Variants in PIP5K1C observed in about 807,000 individuals in gnomAD.
PIP5K1C encodes the protein phosphatidylinositol-4-phosphate 5-kinase type 1 gamma.
PIP5K1C carries 45 observed loss-of-function variants against 80.1 expected under a neutral mutation model. That is an observed-to-expected ratio of 0.56 (90% CI 0.44 to 0.72). The LOEUF is 0.72. Among genes scored for constraint, PIP5K1C ranks in the 30% least tolerant of loss-of-function variants. The pLI is 0.00. For synonymous variants in PIP5K1C, 498 were observed against 420.1 expected, an observed-to-expected ratio of 1.19 and a Z score of -2.27; for missense variants, 753 against 954.6, an observed-to-expected ratio of 0.79 and a Z score of 2.78.
At position 3,648,071 on chromosome 19, in the gene PIP5K1C, G is replaced by A. The variant is rs1189331676; in HGVS notation, c.1211+554C>T. Among the ~76,000 whole-genome samples the A allele has an allele frequency of 3.3e-5, 5 of 152,122 alleles. No homozygotes were observed. Among genetic ancestry groups the A allele is most frequent in the African/African-American group, 9.7e-5 (4 of 41,418 alleles). On this transcript the variant is annotated intron_variant, in intron 9 of 17. Transcript: ENST00000335312. The surrounding 1 kb of genome is among the most constrained non-coding windows in gnomAD (Gnocchi z 4.3). The stretch of plus-strand genomic sequence containing the variant: ...GGGTCTTGCTCTGTCACCCAGCCTG[G>A]GGTGCAGTACGGCCATCATAGCTCA...
At chr19:3,672,026 C>T (rs1039432089) in intron 1 of PIP5K1C, among the ~76,000 whole-genome samples, 6 of 152,170 alleles carry the variant, frequency 3.9e-5, no homozygotes, top group African/African-American at 2.4e-5. Flanking sequence ...GGGGCTCTGC[C>T]GCTGGGGCCC....
chr19:3,640,208 A>G (rs1418920810), intron 15 of PIP5K1C, among the ~76,000 whole-genome samples: 1 of 152,206 alleles, frequency 6.6e-6, no homozygotes, highest in African/African-American at 2.4e-5. Context: ...CACCAGACAG[A>G]TGACAGAAAA....
intron 1 of PIP5K1C, among the ~76,000 whole-genome samples, chr19:3,691,149 G>C (rs1210528064): frequency 6.6e-6 from 1 of 152,222 alleles, no homozygotes; most frequent in Non-Finnish European, 1.5e-5. Context: ...CTTTTTCTCT[G>C]AGTCACAAGA....
intron 1 of PIP5K1C, among the ~76,000 whole-genome samples, chr19:3,697,018 G>A: frequency 6.6e-6 from 1 of 152,130 alleles, no homozygotes; most frequent in Admixed American, 6.5e-5. Flanking sequence ...GCTGGACCGA[G>A]GAGGACCGAG....
intron 1 of PIP5K1C, among the ~76,000 whole-genome samples, chr19:3,684,506 G>A (rs2035690461): frequency 6.6e-6 from 1 of 152,216 alleles, no homozygotes; most frequent in Admixed American, 6.5e-5. Flanking sequence ...ACGATGCTGG[G>A]GCCAGGCTGG....
chr19:3,648,710 T>G lies in PIP5K1C; in HGVS notation c.1128-2A>C. On this transcript the variant is annotated splice_acceptor_variant, in intron 8 of 17. Coordinates refer to ENST00000335312, the MANE Select transcript of PIP5K1C (RefSeq NM_012398.3). LOFTEE classifies it high-confidence loss of function. The surrounding 1 kb of genome is among the most constrained non-coding windows in gnomAD (Gnocchi z 4.3). The stretch of plus-strand genomic sequence containing the variant: ...TTCACAGCGGGGATCCCGCCCATCC[T>G]GGGGAGAGAGGCCGAGGGTACCATC... 1 of 1,612,660 alleles carries G rather than the reference T, an allele frequency of 6.2e-7. No homozygotes were observed. Among genetic ancestry groups the G allele is most frequent in the Non-Finnish European group, 8.5e-7 (1 of 1,179,638 alleles).
chr19:3,658,535 G>A (rs112901451), intron 5 of PIP5K1C, among the ~76,000 whole-genome samples: 4 of 152,240 alleles, frequency 2.6e-5, no homozygotes, highest in Non-Finnish European at 4.4e-5. Context: ...GCGCAGCAGC[G>A]CAGAGCGAAG....
intron 16 of PIP5K1C, 52 bp from the exon 17 acceptor site, chr19:3,633,572 G>T (rs767131477): frequency 1.6e-6 from 2 of 1,268,746 alleles, no homozygotes; most frequent in Non-Finnish European, 2.1e-6. Flanking sequence ...GGTGCGAGGA[G>T]GTGCAAGAGA....
chr19:3,682,940 CCCCCTCCCCTCCCCTCCTGTCCTT>C (rs2035631735), intron 1 of PIP5K1C, among the ~76,000 whole-genome samples: 1 of 133,802 alleles, frequency 7.5e-6, no homozygotes, highest in African/African-American at 2.8e-5. Flanking sequence ...CTCCCCTCCT[CCCCCTCCCCTCCCCTCCTGTCCTT>C]CCCCTCCCTC....
chr19:3,647,720 G>A (rs947003408), intron 9 of PIP5K1C, among the ~76,000 whole-genome samples: 4 of 152,200 alleles, frequency 2.6e-5, no homozygotes, highest in Admixed American at 6.5e-5. Context: ...GCCAAGGCAG[G>A]CAGATCACCT....
rs1197865459 is a variant in PIP5K1C at position 3,653,305 on chromosome 19, C to T, written c.906G>A (p.Leu302=). The change falls in exon 7 of 18, where the codon CTG becomes CTA. Residue 302 remains leucine (L), a synonymous_variant. Coordinates refer to ENST00000335312, the MANE Select transcript of PIP5K1C (RefSeq NM_012398.3). Reference sequence around the variant, plus strand: ...GAGCCCTCACCAGGCAGTCCCGCTGCAGCGTCTTGACCAGGGCGCTGAAGG... The same window carrying T: ...GAGCCCTCACCAGGCAGTCCCGCTGTAGCGTCTTGACCAGGGCGCTGAAGG... ...ADTFSALVKT[L]QRDCLVLESF... 6.2e-7 allele frequency: 1 copy of T among 1,608,286 alleles called. No homozygotes were observed. The highest frequency in any genetic ancestry group is 8.5e-7 in the Non-Finnish European group (1 of 1,179,912).
chr19:3,646,559 A>G, intron 10 of PIP5K1C, among the ~76,000 whole-genome samples: 1 of 151,998 alleles, frequency 6.6e-6, no homozygotes, highest in African/African-American at 2.4e-5. Context: ...GACAAGGACA[A>G]CCCCAGGGAC....
At position 3,637,767 on chromosome 19, in the gene PIP5K1C, G is replaced by C; in HGVS notation, c.1920+1117C>G. 1 of 1,531,788 alleles carries C rather than the reference G, an allele frequency of 6.5e-7. No homozygotes were observed. Among genetic ancestry groups the C allele is most frequent in the Non-Finnish European group, 8.7e-7 (1 of 1,145,368 alleles). 94.9% of individuals were successfully genotyped at this position (1,531,788 alleles called of 1,614,324 possible). ...GCCAAGCAGAAGGTGGGGGGTGCCG[G>C]GGCAGGGGCAGGACCGAGGACCCTT... On this transcript the variant is annotated intron_variant, in intron 16 of 17. Transcript: ENST00000335312. This position sits in a 1 kb window ranked among gnomAD's most constrained non-coding sequence, Gnocchi z 7.0.
chr19:3,638,978 TCAA>T lies in PIP5K1C; in HGVS notation c.1823_1825del (p.Val608del). On this transcript the variant is annotated inframe_deletion, in exon 16 of 18. Coordinates refer to ENST00000335312, the MANE Select transcript of PIP5K1C (RefSeq NM_012398.3). ...TGAGGCCTGGCTGGCAGTTTCTACT[TCAA>T]CAGCAGCAGAGGCACCGGCCGGGGA... The T allele has an allele frequency of 6.2e-7, 1 of 1,611,398 alleles. No individual in the cohort carries two copies.
At chr19:3,666,498 C>T (rs562333780) in intron 2 of PIP5K1C, among the ~76,000 whole-genome samples, 54 of 152,320 alleles carry the variant, frequency 3.5e-4, no homozygotes, top group African/African-American at 9.6e-4. Flanking sequence ...GGCAAACACA[C>T]GTGCAGACGT....
chr19:3,658,836 A>G (rs1395953614), intron 5 of PIP5K1C, among the ~76,000 whole-genome samples: 3 of 152,202 alleles, frequency 2.0e-5, no homozygotes, highest in Non-Finnish European at 4.4e-5. Context: ...TATGGCCTCC[A>G]TGGGCCTCAG....
Position 3,661,083 on chromosome 19 carries a change from G to A in PIP5K1C, c.351C>T (p.Ser117=), listed in dbSNP as rs977363013. The change falls in exon 5 of 18, where the codon AGC becomes AGT. Residue 117 remains serine (S), a splice_region_variant and synonymous_variant. Transcript: ENST00000335312. The part of the protein sequence containing the change: ...FYVVESIFFP[S]EGSNLTPAHH... Reference sequence around the variant, plus strand: ...GGGCGGGGGTGAGGTTGCTGCCTTCGCTGTGGAGGAAGGACGGGAGGAAAC... The same window carrying A: ...GGGCGGGGGTGAGGTTGCTGCCTTCACTGTGGAGGAAGGACGGGAGGAAAC... 14 of 1,610,594 alleles carry A rather than the reference G, an allele frequency of 8.7e-6. No individual in the cohort carries two copies. The highest frequency in any genetic ancestry group is 1.6e-4 in the Middle Eastern group (1 of 6,074).
Position 3,630,382 on chromosome 19 carries a change from C to T in PIP5K1C, c.*2785G>A, listed in dbSNP as rs994174833. ...GATTGTCACGCACCAGACCACGGGG[C>T]GGAGGAATGGAGTGGCATCCCTGGG... On this transcript the variant is annotated 3_prime_UTR_variant, in exon 18 of 18. Coordinates refer to ENST00000335312, the MANE Select transcript of PIP5K1C (RefSeq NM_012398.3). 3.3e-5 allele frequency: 5 copies of T among 152,576 alleles called. No homozygotes were observed. The highest frequency in any genetic ancestry group is 6.5e-5 in the Admixed American group (1 of 15,274). The allele number at this position is 152,576 out of a possible 1,614,324, so 9.5% of individuals were successfully genotyped here.
rs773214148 is a variant in PIP5K1C, at chr19:3,664,843, G to A, written c.198C>T (p.Ser66=). 3.3e-5 allele frequency: 54 copies of A among 1,613,026 alleles called. No individual in the cohort carries two copies. Among genetic ancestry groups the A allele is most frequent in the Middle Eastern group, 1.6e-4 (1 of 6,084 alleles). The change falls in exon 3 of 18, where the codon TCC becomes TCT. Residue 66 remains serine, a synonymous_variant. Transcript: ENST00000335312. ...KKLGHRGVDA[S]GETTYKKTTS... ...GAACCTTCTTGTAGGTGGTTTCGCC[G>A]GATGCGTCCACACCTCGATGGCCCA... is the stretch of plus-strand genomic sequence containing the variant.
Sources: gnomAD v4.1 joint callset for allele counts (sites outside exome capture counted in the v4.1 genomes callset) on GRCh38, gnomAD v4.1.1 for gene constraint, Gnocchi (gnomAD v3.1) non-coding constraint, MANE v1.5 for transcripts, NCBI Gene and HGNC (gene_info 2026-07-23, HGNC 2026-07-21) for gene names.